Variants in TENM2 observed in about 807,000 individuals in gnomAD.
The protein encoded by TENM2 is teneurin transmembrane protein 2.
In TENM2, 52 loss-of-function variants were observed where a neutral mutation model predicts 245.2. The ratio of observed to expected loss-of-function variants is 0.21; its 90% CI spans 0.17 to 0.27. TENM2 has a LOEUF of 0.27. Among genes scored for constraint, TENM2 ranks in the 10% least tolerant of loss-of-function variants. The pLI is 1.00. For synonymous variants in TENM2, 1,363 were observed against 1,438.9 expected (o/e 0.95, Z 1.19); for missense variants, 3,046 against 3,666.8 (o/e 0.83, Z 4.37).
chr5:167,375,461 G>C, exon 2 of TENM2: 1 of 1,551,710 alleles, frequency 6.4e-7, no homozygotes, highest in Non-Finnish European at 8.7e-7. Flanking sequence ...AAACAAATCA[G>C]ATGATGAGAA....
At chr5:166,982,370 A>G in the TENM2 span, among the ~76,000 whole-genome samples, 1 of 152,128 alleles carries the variant, frequency 6.6e-6, no homozygotes, top group African/African-American at 2.4e-5. Flanking sequence ...TCATTGTGCA[A>G]TTGAAGGGAA....
intron 2 of TENM2, among the ~76,000 whole-genome samples, chr5:167,866,798 T>C (rs1468540539): frequency 1.3e-5 from 2 of 152,176 alleles, no homozygotes; most frequent in African/African-American, 4.8e-5. Flanking sequence ...AAGGGAAAGG[T>C]AGAACAATAG....
At chr5:167,470,178 A>G (rs1217587781) in intron 2 of TENM2, among the ~76,000 whole-genome samples, 1 of 152,098 alleles carries the variant, frequency 6.6e-6, no homozygotes, top group African/African-American at 2.4e-5. Flanking sequence ...TTCTACCATA[A>G]TGAAGCTTTA....
chr5:167,969,351 T>C (rs1462223509), intron 4 of TENM2, among the ~76,000 whole-genome samples: 1 of 152,182 alleles, frequency 6.6e-6, no homozygotes, highest in East Asian at 1.9e-4. Context: ...AGCACTCTCT[T>C]TGCCTGCTGT....
intron 14 of TENM2, among the ~76,000 whole-genome samples, 192 bp from the exon 17 acceptor site, chr5:168,194,984 C>T (rs1418587940): frequency 2.0e-5 from 3 of 152,134 alleles, no homozygotes; most frequent in Non-Finnish European, 4.4e-5. Context: ...GGGCCCAGCT[C>T]AGTGACGGGA....
intron 2 of TENM2, among the ~76,000 whole-genome samples, chr5:167,720,581 A>G (rs1759561192): frequency 6.6e-6 from 1 of 152,238 alleles, no homozygotes; most frequent in South Asian, 2.1e-4. Flanking sequence ...TAGTTATAGC[A>G]GATGCTCACA....
chr5:167,978,618 A>G (rs1782610537), intron 4 of TENM2, among the ~76,000 whole-genome samples: 1 of 151,756 alleles, frequency 6.6e-6, no homozygotes, highest in Admixed American at 6.6e-5. Flanking sequence ...AGGAGCTGGG[A>G]GTGAGAGAGT....
chr5:167,203,912 G>C, the TENM2 span, among the ~76,000 whole-genome samples: 1 of 152,006 alleles, frequency 6.6e-6, no homozygotes, highest in African/African-American at 2.4e-5. Context: ...GAAAATAGCA[G>C]GATGAAAACG....
chr5:167,784,132 A>C (rs945500264), intron 2 of TENM2, among the ~76,000 whole-genome samples: 1 of 152,324 alleles, frequency 6.6e-6, no homozygotes, highest in African/African-American at 2.4e-5. Flanking sequence ...TTGCAGCAAC[A>C]GTTGTAAGCA....
intron 2 of TENM2, among the ~76,000 whole-genome samples, chr5:167,563,250 T>A (rs1262493706): frequency 6.6e-6 from 1 of 152,222 alleles, no homozygotes; most frequent in Admixed American, 6.5e-5. Context: ...CTGTGCCACT[T>A]GCCTTTTAAA....
intron 4 of TENM2, among the ~76,000 whole-genome samples, chr5:167,986,536 T>G (rs2151986416): frequency 6.6e-6 from 1 of 152,324 alleles, no homozygotes; most frequent in South Asian, 2.1e-4. Flanking sequence ...ACTGGTTTTC[T>G]CCATCTCTTG....
intron 13 of TENM2, among the ~76,000 whole-genome samples, chr5:168,177,596 G>A (rs147826611): frequency 0.027 from 4,045 of 152,282 alleles, 162 homozygotes; most frequent in African/African-American, 0.089. Flanking sequence ...CAGCACTTTG[G>A]GAGGCTGAGG....
At chr5:167,282,170 A>G (rs1581657523), upstream of TENM2, among the ~76,000 whole-genome samples, 1 of 152,202 alleles carries the variant, frequency 6.6e-6, no homozygotes. Flanking sequence ...AGTCAGGAAC[A>G]CTGAAGATAT....
At chr5:167,680,935 ATGT>A (rs552552799) in intron 2 of TENM2, among the ~76,000 whole-genome samples, 1 of 145,724 alleles carries the variant, frequency 6.9e-6, no homozygotes, top group Non-Finnish European at 1.5e-5. Flanking sequence ...AACTTGAATG[ATGT>A]TGTTTTTAGT....
chr5:167,590,146 A>G (rs1775780305), intron 2 of TENM2, among the ~76,000 whole-genome samples: 1 of 151,934 alleles, frequency 6.6e-6, no homozygotes, highest in South Asian at 2.1e-4. Flanking sequence ...TTTTTAGGAT[A>G]TAAGAAACTT....
Position 167,990,450 on chromosome 5 carries a change from A to G in TENM2, c.948-2494A>G, listed in dbSNP as rs74318008. 2.5e-3 allele frequency among the ~76,000 whole-genome samples: 375 copies of G among 152,288 alleles called. 1 individual carries two copies. Among genetic ancestry groups the G allele is most frequent in the African/African-American group, 8.7e-3 (360 of 41,564 alleles). ...TTGTAGGATTAGTGATGCTTTTCCT[A>G]CACAGTGTTGCAATCCTCACAGCAA... On this transcript the variant is annotated intron_variant, in intron 4 of 28. Transcript: ENST00000518659.
rs1195478723 is a variant in TENM2, at chr5:168,236,978, A to T, written c.5521-7442A>T. On this transcript the variant is annotated intron_variant, in intron 25 of 28. Transcript: ENST00000518659. ...TATATATATATATATATATATATATATATATATATATATATATATATATTT... is the reference window on the plus strand; with the variant it reads ...TATATATATATATATATATATATATTTATATATATATATATATATATATTT... 1.1e-3 allele frequency among the ~76,000 whole-genome samples: 4 copies of T among 3,558 alleles called. 1 individual carries two copies. The highest frequency in any genetic ancestry group is 2.3e-3 in the African/African-American group (2 of 888). 2.3% of individuals were successfully genotyped at this position (3,558 alleles called of 152,430 possible).
the TENM2 span, among the ~76,000 whole-genome samples, chr5:167,099,483 G>C: frequency 1.3e-5 from 2 of 152,134 alleles, no homozygotes; most frequent in Non-Finnish European, 2.9e-5. Flanking sequence ...ATCGCCTGAG[G>C]TTGGGAGTTC....
chr5:167,494,077 T>G (rs1193300487), intron 2 of TENM2, among the ~76,000 whole-genome samples: 1 of 152,112 alleles, frequency 6.6e-6, no homozygotes, highest in Admixed American at 6.6e-5. Flanking sequence ...ATGGGTAGAA[T>G]TTAATGATCC....
Sources: allele counts gnomAD v4.1 joint callset (sites outside exome capture counted in the v4.1 genomes callset), GRCh38; gene constraint gnomAD v4.1.1; transcripts MANE v1.5; gene names NCBI Gene and HGNC (gene_info 2026-07-23, HGNC 2026-07-21).